CLP1: variants seen among roughly 807,000 people sequenced by gnomAD.
CLP1 encodes cleavage factor polyribonucleotide kinase subunit 1, also known as polyribonucleotide 5'-hydroxyl-kinase Clp1.
Under a neutral mutation model 29.9 loss-of-function variants are expected in CLP1, and 18 were observed. The ratio of observed to expected loss-of-function variants is 0.60; its 90% CI spans 0.42 to 0.89. The LOEUF (loss-of-function observed/expected upper bound fraction) is 0.89, where lower values mean the gene tolerates loss of function less well. CLP1 is among the 40% of genes least tolerant of loss of function. The pLI is 0.00. For missense variants in CLP1, 357 were observed against 544.8 expected, an observed-to-expected ratio of 0.66 and a Z score of 3.43; for synonymous variants, 162 against 206.2, an observed-to-expected ratio of 0.79 and a Z score of 1.84.
chr11:57,660,744 C>T, intron 2 of CLP1, 21 bp from the exon 3 acceptor site: 1 of 1,550,850 alleles, frequency 6.4e-7, no homozygotes, highest in African/African-American at 1.4e-5. Context: ...TTTGTTCTTA[C>T]CTTGATCCTC....
Position 57,659,797 on chromosome 11 carries a change from G to C in CLP1, c.321G>C (p.Ala107=). ...CCTTGGAACAGATGCGGAGGCAAGCGGAAAAGGAAGAAGAGCGAGGTCCCC... is the reference window on the plus strand; with the variant it reads ...CCTTGGAACAGATGCGGAGGCAAGCCGAAAAGGAAGAAGAGCGAGGTCCCC... ...HTALEQMRRQ[A]EKEEERGPRV... is the part of the protein sequence containing the mutation. Residue 107 remains alanine, a synonymous_variant, in exon 2 of 3, where the codon GCG becomes GCC. Coordinates refer to ENST00000533682, the MANE Select transcript of CLP1 (RefSeq NM_006831.3). 1 of 1,614,142 alleles carries C rather than the reference G, an allele frequency of 6.2e-7. No homozygotes were observed. The highest frequency in any genetic ancestry group is 2.2e-5 in the East Asian group (1 of 44,878).
intron 2 of CLP1, 71 bp from the exon 3 acceptor site, chr11:57,660,694 C>A: frequency 1.6e-6 from 2 of 1,279,080 alleles, no homozygotes; most frequent in Non-Finnish European, 2.2e-6. Flanking sequence ...AGCACTTATT[C>A]TAAAGAGGAA....
rs369027799 is a variant in CLP1 at position 57,660,653 on chromosome 11, C to CA, written c.607-102dup. On this transcript the variant is annotated intron_variant, in intron 2 of 2. Coordinates refer to ENST00000533682, the MANE Select transcript of CLP1 (RefSeq NM_006831.3). ...TGGGCAACAGAGTGAGACTCCATTT[C>CA]AAAAAAAAAATCATTTTTCTTATAT... 3.0e-3 allele frequency: 2,572 copies of CA among 869,226 alleles called. 1 individual carries two copies. The highest frequency in any genetic ancestry group is 4.9e-3 in the Middle Eastern group (14 of 2,844). The allele number at this position is 869,226 out of a possible 1,614,324, so 53.8% of individuals were successfully genotyped here. A position where few individuals can be genotyped will look rare whatever the true frequency, so the allele number is the denominator to read the frequency against.
At position 57,659,566 on chromosome 11, in the gene CLP1, T is replaced by A. The variant is rs1165307837; in HGVS notation, c.90T>A (p.Ser30=). The A allele has an allele frequency of 2.5e-6, 4 of 1,614,134 alleles. No homozygotes were observed. Among genetic ancestry groups the A allele is most frequent in the Non-Finnish European group, 1.7e-6 (2 of 1,180,024 alleles). ...ETELRFEVEA[S]QSVQLELLTG... ...AACTTCGCTTTGAGGTGGAGGCATC[T>A]CAGTCAGTTCAGTTGGAGTTGTTGA... The change falls in exon 2 of 3, where the codon TCT becomes TCA. Residue 30 remains serine, a synonymous_variant. Transcript: ENST00000533682.
chr11:57,658,061 T>C (rs896139781), intron 1 of CLP1, among the ~76,000 whole-genome samples: 4 of 152,194 alleles, frequency 2.6e-5, no homozygotes, highest in African/African-American at 9.6e-5. Context: ...GAAGTGCTTT[T>C]TTTTCCTCCC....
chr11:57,660,712 G>A, intron 2 of CLP1, 53 bp from the exon 3 acceptor site: 1 of 1,395,748 alleles, frequency 7.2e-7, no homozygotes, highest in South Asian at 1.4e-5. Flanking sequence ...GAACAAAGTA[G>A]CCATGGGTTT....
At position 57,661,787 on chromosome 11, in the gene CLP1, G is replaced by A; in HGVS notation, c.*351G>A. ...TCTTACCCATTTATCTAGGATGAAA[G>A]TGTGAATTAGAGGGACTCCTTCCAA... On this transcript the variant is annotated 3_prime_UTR_variant, in exon 3 of 3. Coordinates refer to ENST00000533682, the MANE Select transcript of CLP1 (RefSeq NM_006831.3). The A allele has an allele frequency of 4.1e-6, 1 of 245,720 alleles. No individual in the cohort carries two copies. The highest frequency in any genetic ancestry group is 7.8e-6 in the Non-Finnish European group (1 of 127,802). 15.2% of individuals were successfully genotyped at this position (245,720 alleles called of 1,614,324 possible).
Position 57,660,631 on chromosome 11 carries a change from G to A in CLP1, c.607-134G>A, listed in dbSNP as rs908608477. On this transcript the variant is annotated intron_variant, in intron 2 of 2. Coordinates refer to ENST00000533682, the MANE Select transcript of CLP1 (RefSeq NM_006831.3). ...ATCGTGCCACTGCACTCCATCCTGG[G>A]CAACAGAGTGAGACTCCATTTCAAA... 85 of 728,202 alleles carry A rather than the reference G, an allele frequency of 1.2e-4. 1 individual carries two copies. The highest frequency in any genetic ancestry group is 5.5e-5 in the East Asian group (2 of 36,654). The allele number at this position is 728,202 out of a possible 1,614,324, so 45.1% of individuals were successfully genotyped here. A position where few individuals can be genotyped will look rare whatever the true frequency, so the allele number is the denominator to read the frequency against.
At chr11:57,658,557 T>C (rs1203479585) in intron 1 of CLP1, among the ~76,000 whole-genome samples, 1 of 152,136 alleles carries the variant, frequency 6.6e-6, no homozygotes, top group Admixed American at 6.6e-5. Flanking sequence ...ATAAGAAATA[T>C]GGAGAGAATT....
rs773313264 is a variant in CLP1 at position 57,660,875 on chromosome 11, C to T, written c.717C>T (p.Tyr239=). 4 of 1,614,176 alleles carry T rather than the reference C, an allele frequency of 2.5e-6. No individual in the cohort carries two copies. Among genetic ancestry groups the T allele is most frequent in the Admixed American group, 1.7e-5 (1 of 60,026 alleles). The change falls in exon 3 of 3, where the codon TAC becomes TAT. Residue 239 remains tyrosine, a synonymous_variant. Transcript: ENST00000533682. ...GTGGCTGGGTCAAGGGCTCTGGTTA[C>T]CAGGCTCTGGTGCATGCAGCCTCAG... ...NTCGWVKGSG[Y]QALVHAASAF... is the part of the protein sequence containing the mutation.
chr11:57,660,014 A>C lies in CLP1; in HGVS notation c.538A>C (p.Ile180Leu), dbSNP rs780920762. 6.2e-7 allele frequency: 1 copy of C among 1,612,470 alleles called. No individual in the cohort carries two copies. Among genetic ancestry groups the C allele is most frequent in the African/African-American group, 1.3e-5 (1 of 74,978 alleles). Residue 180 changes from isoleucine to leucine, a missense_variant, in exon 2 of 3, where the codon ATC becomes CTC. By Grantham distance (5) the Ile-to-Leu change is conservative (BLOSUM62 2). Coordinates refer to ENST00000533682, the MANE Select transcript of CLP1 (RefSeq NM_006831.3). ...RPADVEEGFS[I>L]QAPLVYHFGS... Reference sequence around the variant, plus strand: ...TGCAGATGTCGAAGAGGGTTTCTCTATCCAGGCCCCTCTGGTGTATCATTT... The same window carrying C: ...TGCAGATGTCGAAGAGGGTTTCTCTCTCCAGGCCCCTCTGGTGTATCATTT...
At chr11:57,659,367 G>A in intron 1 of CLP1, 88 bp from the exon 2 acceptor site, 1 of 1,301,588 alleles carries the variant, frequency 7.7e-7, no homozygotes, top group Non-Finnish European at 1.1e-6. Flanking sequence ...GGGATTACAG[G>A]CGTGAGCCAC....
chr11:57,660,251 C>T (rs887116793), intron 2 of CLP1, among the ~76,000 whole-genome samples, 169 bp downstream of exon 2: 4 of 152,208 alleles, frequency 2.6e-5, no homozygotes, highest in African/African-American at 9.6e-5. Flanking sequence ...TTCTGTGGAT[C>T]TATTCTTAGT....
At position 57,659,821 on chromosome 11, in the gene CLP1, C is replaced by T; in HGVS notation, c.345C>T (p.Pro115=). The T allele has an allele frequency of 6.2e-7, 1 of 1,614,124 alleles. No homozygotes were observed. The highest frequency in any genetic ancestry group is 8.5e-7 in the Non-Finnish European group (1 of 1,180,030). Residue 115 remains proline (P), a synonymous_variant, in exon 2 of 3, where the codon CCC becomes CCT. Coordinates refer to ENST00000533682, the MANE Select transcript of CLP1 (RefSeq NM_006831.3). ...CGGAAAAGGAAGAAGAGCGAGGTCC[C>T]CGAGTGATGGTAGTGGGCCCCACTG... ...RQAEKEEERG[P]RVMVVGPTDV... is the part of the protein sequence containing the mutation.
intron 1 of CLP1, among the ~76,000 whole-genome samples, chr11:57,658,553 A>G (rs1337055954): frequency 6.6e-6 from 1 of 152,200 alleles, no homozygotes; most frequent in Non-Finnish European, 1.5e-5. Context: ...GGTGATAAGA[A>G]ATATGGAGAG....
At chr11:57,658,460 T>C (rs1945842263) in intron 1 of CLP1, among the ~76,000 whole-genome samples, 1 of 152,172 alleles carries the variant, frequency 6.6e-6, no homozygotes, top group Non-Finnish European at 1.5e-5. Flanking sequence ...TTCTAAGCAG[T>C]ATATAGTATC....
At position 57,661,219 on chromosome 11, in the gene CLP1, C is replaced by G; in HGVS notation, c.1061C>G (p.Pro354Arg). 2 of 1,614,188 alleles carry G rather than the reference C, an allele frequency of 1.2e-6. No homozygotes were observed. Among genetic ancestry groups the G allele is most frequent in the South Asian group, 1.1e-5 (1 of 91,082 alleles). Residue 354 changes from proline to arginine, a missense_variant, in exon 3 of 3, where the codon CCT becomes CGT. Transcript: ENST00000533682. The stretch of plus-strand genomic sequence containing the variant: ...GAGGATAATCAGCTCAAGCTAGTAC[C>G]TGTCACTCCTGGGCGAGATATGGTG... The part of the protein sequence containing the change: ...SQEDNQLKLV[P>R]VTPGRDMVHH...
At chr11:57,658,429 C>T (rs2969936) in intron 1 of CLP1, among the ~76,000 whole-genome samples, 18 of 152,238 alleles carry the variant, frequency 1.2e-4, no homozygotes, top group Admixed American at 9.8e-4. Context: ...TATTGAGGTG[C>T]CTACAGTCTG....
Position 57,661,514 on chromosome 11 carries a change from G to C in CLP1, c.*78G>C. The C allele has an allele frequency of 8.2e-7, 1 of 1,223,622 alleles. No homozygotes were observed. The highest frequency in any genetic ancestry group is 1.1e-6 in the Non-Finnish European group (1 of 869,588). 75.8% of individuals were successfully genotyped at this position (1,223,622 alleles called of 1,614,324 possible). On this transcript the variant is annotated 3_prime_UTR_variant, in exon 3 of 3. Transcript: ENST00000533682. Reference sequence around the variant, plus strand: ...TAGAGGCAGATGGGCTGAGATAAAAGACTGTTGGGGCCACCTGACCAGTAA... The same window carrying C: ...TAGAGGCAGATGGGCTGAGATAAAACACTGTTGGGGCCACCTGACCAGTAA...
Sources: gnomAD v4.1 joint callset for allele counts (sites outside exome capture counted in the v4.1 genomes callset) on GRCh38, gnomAD v4.1.1 for gene constraint, MANE v1.5 for transcripts, NCBI Gene and HGNC (gene_info 2026-07-23, HGNC 2026-07-21) for gene names.